Variants in EVC2 observed in about 807,000 individuals in gnomAD.
The protein encoded by EVC2 is EvC ciliary complex subunit 2, also known as limbin.
In EVC2, 148 loss-of-function variants were observed where a neutral mutation model predicts 149.3. The ratio of observed to expected loss-of-function variants is 0.99; its 90% CI spans 0.87 to 1.14. The LOEUF is 1.14. Among genes scored for constraint, EVC2 ranks in the 50% most tolerant of loss-of-function variants. The pLI, the probability that EVC2 is intolerant of heterozygous loss-of-function variation, is 0.00. For missense variants in EVC2, 1,854 were observed against 1,627.3 expected (o/e 1.14, Z -2.40); for synonymous variants, 776 against 649.9 (o/e 1.19, Z -2.95).
intron 21 of EVC2, among the ~76,000 whole-genome samples, chr4:5,544,141 A>T (rs1721567927): frequency 6.6e-6 from 1 of 152,190 alleles, no homozygotes; most frequent in South Asian, 2.1e-4. Flanking sequence ...CCTGAGTTTA[A>T]ACTAAAATTA....
chr4:5,541,097 G>A (rs1341357151), downstream of EVC2, among the ~76,000 whole-genome samples: 1 of 152,224 alleles, frequency 6.6e-6, no homozygotes, highest in African/African-American at 2.4e-5. Flanking sequence ...AGTGTTAGGT[G>A]ACTATAGTGA....
chr4:5,537,054 G>A, the EVC2 span, among the ~76,000 whole-genome samples: 1 of 152,142 alleles, frequency 6.6e-6, no homozygotes, highest in African/African-American at 2.4e-5. Context: ...ATGGACAAAA[G>A]GTGCAAAACA....
At chr4:5,681,599 G>C (rs758603310) in intron 6 of EVC2, among the ~76,000 whole-genome samples, 1 of 152,176 alleles carries the variant, frequency 6.6e-6, no homozygotes, top group Non-Finnish European at 1.5e-5. Flanking sequence ...GTTGGGCACT[G>C]ACTCCAAGCC....
In EVC2 at chr4:5,633,202, G is replaced by A. The variant is rs540110642; in HGVS notation, c.1471-1170C>T. Among the ~76,000 whole-genome samples the A allele has an allele frequency of 6.6e-6, 1 of 152,260 alleles. No homozygotes were observed. The highest frequency in any genetic ancestry group is 2.4e-5 in the African/African-American group (1 of 41,562). On this transcript the variant is annotated intron_variant, in intron 10 of 21. Transcript: ENST00000344408. This position sits in a 1 kb window ranked among gnomAD's most constrained non-coding sequence, Gnocchi z 4.4. ...TCTAGGAGCTGAGGGCCTCAGTCTT[G>A]TACCCACAAAGAAGTGAGTTCTGCA...
chr4:5,668,347 C>G (rs771412841), intron 7 of EVC2, among the ~76,000 whole-genome samples: 8 of 152,200 alleles, frequency 5.3e-5, no homozygotes, highest in African/African-American at 9.6e-5. Context: ...CCACTTATAA[C>G]TCATCTTTGA....
rs540249542 is a variant in EVC2 at position 5,592,624 on chromosome 4, C to T, written c.2830-7774G>A. Among the ~76,000 whole-genome samples, 6 of 152,252 alleles carry T rather than the reference C, an allele frequency of 3.9e-5. No homozygotes were observed. The South Asian group carries it at 6.2e-4, about 16-fold the overall frequency. On this transcript the variant is annotated intron_variant, in intron 16 of 21. Transcript: ENST00000344408. ...TTGAAATTGGTGATCAGCAGCTTCC[C>T]GATAAGAACTCAGGAGTTGGGCAAG...
intron 6 of EVC2, 83 bp from the exon 7 acceptor site, chr4:5,681,396 T>C: frequency 7.1e-7 from 1 of 1,413,606 alleles, no homozygotes. Context: ...TTTCCAACCC[T>C]CCAAGCCTGG....
Position 5,622,745 on chromosome 4 carries a change from T to C in EVC2, c.2293A>G (p.Lys765Glu), listed in dbSNP as rs1239188801. 3.1e-6 allele frequency: 5 copies of C among 1,614,040 alleles called. No individual in the cohort carries two copies. Among genetic ancestry groups the C allele is most frequent in the Non-Finnish European group, 4.2e-6 (5 of 1,180,022 alleles). ...QNSAMTQELL[K>E]RGVPWLFLQQ... ...AGGAAGAGCCAGGGCACCCCACGCT[T>C]GAGCAGCTCCTGGGTCATGGCTGAG... The change falls in exon 14 of 22, where the codon AAG becomes GAG. Residue 765 changes from lysine to glutamate, a missense_variant. Coordinates refer to ENST00000344408, the MANE Select transcript of EVC2 (RefSeq NM_147127.5). This position sits in a 1 kb window ranked among gnomAD's most constrained non-coding sequence, Gnocchi z 5.8.
In EVC2 at chr4:5,686,527, T is replaced by C. The variant is rs780248953; in HGVS notation, c.707-1048A>G. On this transcript the variant is annotated intron_variant, in intron 5 of 21. Coordinates refer to ENST00000344408, the MANE Select transcript of EVC2 (RefSeq NM_147127.5). This position sits in a 1 kb window ranked among gnomAD's most constrained non-coding sequence, Gnocchi z 5.4. ...ATTAACCCAGCTGATCTCCACACACTGCCCCGAGATGGATGGAGAACACGT... is the reference window on the plus strand; with the variant it reads ...ATTAACCCAGCTGATCTCCACACACCGCCCCGAGATGGATGGAGAACACGT... 1.1e-4 allele frequency among the ~76,000 whole-genome samples: 17 copies of C among 152,098 alleles called. No homozygotes were observed. The highest frequency in any genetic ancestry group is 2.2e-4 in the Non-Finnish European group (15 of 68,036).
At position 5,622,393 on chromosome 4, in the gene EVC2, G is replaced by C. The variant is rs976816123; in HGVS notation, c.2501+144C>G. 6.6e-5 allele frequency: 65 copies of C among 988,166 alleles called. No individual in the cohort carries two copies. The highest frequency in any genetic ancestry group is 1.0e-4 in the Non-Finnish European group (64 of 642,968). 61.2% of individuals were successfully genotyped at this position (988,166 alleles called of 1,614,324 possible). On this transcript the variant is annotated intron_variant, in intron 14 of 21. Transcript: ENST00000344408. The surrounding 1 kb of genome is among the most constrained non-coding windows in gnomAD (Gnocchi z 5.8). ...CGAGGTCCTCCCCCCGGGGCGTTGA[G>C]TTTATATGACTAATTAACGCTGGTA... is the stretch of plus-strand genomic sequence containing the variant.
In EVC2 at chr4:5,685,377, G is replaced by A. The variant is rs369153874; in HGVS notation, c.809C>T (p.Ser270Leu). ...AAGTAACAAAGGTCATACCCGTGAC[G>A]AGCTCTGAAAGGTGAGTTGGGCAGG... is the stretch of plus-strand genomic sequence containing the variant. ...KLPAQLTFQS[S>L]SRNRTQLKVL... Residue 270 changes from serine (S) to leucine (L), a missense_variant, in exon 6 of 22, where the codon TCG becomes TTG. Transcript: ENST00000344408. The A allele has an allele frequency of 4.2e-5, 68 of 1,614,136 alleles. No individual in the cohort carries two copies. The highest frequency in any genetic ancestry group is 1.6e-4 in the East Asian group (7 of 44,880).
intron 3 of EVC2, among the ~76,000 whole-genome samples, chr4:5,692,564 T>C (rs1721185761): frequency 6.6e-6 from 1 of 152,134 alleles, no homozygotes; most frequent in African/African-American, 2.4e-5. Flanking sequence ...AACCCTCTCA[T>C]TGTGTAGAAA....
chr4:5,534,325 C>G, the EVC2 span, among the ~76,000 whole-genome samples: 1 of 152,166 alleles, frequency 6.6e-6, no homozygotes, highest in African/African-American at 2.4e-5. Context: ...GTGCCCACAG[C>G]AGATGCTCCA....
intron 9 of EVC2, among the ~76,000 whole-genome samples, chr4:5,651,164 G>A (rs1278278261): frequency 6.6e-6 from 1 of 152,134 alleles, no homozygotes; most frequent in African/African-American, 2.4e-5. Flanking sequence ...ATGAATGGAG[G>A]AATGCACGGG....
chr4:5,568,885 G>A (rs1367867251), intron 19 of EVC2, among the ~76,000 whole-genome samples: 1 of 152,092 alleles, frequency 6.6e-6, no homozygotes, highest in Non-Finnish European at 1.5e-5. Context: ...AAGTCACTGG[G>A]GCAGTACCCA....
intron 1 of EVC2, among the ~76,000 whole-genome samples, chr4:5,706,358 A>ATAGATACATACATAGATATC (rs1560243316): frequency 5.3e-5 from 1 of 19,010 alleles, no homozygotes; most frequent in Non-Finnish European, 1.0e-4. Context: ...AGATAGACAC[A>ATAGATACATACATAGATATC]TAGATAGATA....
chr4:5,700,917 G>A (rs796488953), intron 1 of EVC2, among the ~76,000 whole-genome samples: 18 of 152,320 alleles, frequency 1.2e-4, no homozygotes, highest in African/African-American at 3.1e-4. Context: ...GCAGCTTCCC[G>A]TGGCTGCTGT....
intron 21 of EVC2, among the ~76,000 whole-genome samples, chr4:5,557,258 G>C (rs554644648): frequency 6.6e-6 from 1 of 152,212 alleles, no homozygotes; most frequent in South Asian, 2.1e-4. Flanking sequence ...GGTATGCAAG[G>C]CTGGTTCAAC....
chr4:5,707,261 G>A (rs1037181204), intron 1 of EVC2, among the ~76,000 whole-genome samples: 7 of 152,140 alleles, frequency 4.6e-5, no homozygotes, highest in Admixed American at 1.3e-4. Context: ...CTGACATGGC[G>A]TTTTTCCAGT....
Sources: allele counts gnomAD v4.1 joint callset (sites outside exome capture counted in the v4.1 genomes callset), GRCh38; gene constraint gnomAD v4.1.1; non-coding constraint Gnocchi (gnomAD v3.1); transcripts MANE v1.5; gene names NCBI Gene and HGNC (gene_info 2026-07-23, HGNC 2026-07-21).